Variants in APOBEC3B observed in about 807,000 individuals in gnomAD.
APOBEC3B encodes apolipoprotein B mRNA editing enzyme catalytic subunit 3B.
In APOBEC3B, 29 loss-of-function variants were observed where a neutral mutation model predicts 53.4. That is an observed-to-expected ratio of 0.54 (90% CI 0.40 to 0.74). The LOEUF (loss-of-function observed/expected upper bound fraction) is 0.74, where lower values mean the gene tolerates loss of function less well. APOBEC3B is among the 30% of genes least tolerant of loss of function. The pLI is 0.00. For synonymous variants in APOBEC3B, 132 were observed against 184.8 expected (o/e 0.71, Z 2.32); for missense variants, 347 against 496.2 (o/e 0.70, Z 2.86).
rs376795731 is a variant in APOBEC3B, at chr22:38,982,425, C to T, written c.-29C>T. ...ACAGAGCTTCAAAAAAAGAGCGGGACAGGGACAAGCGTATCTAAGAGGCTG... is the reference window on the plus strand; with the variant it reads ...ACAGAGCTTCAAAAAAAGAGCGGGATAGGGACAAGCGTATCTAAGAGGCTG... On this transcript the variant is annotated 5_prime_UTR_variant, in exon 1 of 8. Transcript: ENST00000333467. The T allele has an allele frequency of 2.4e-5, 39 of 1,593,288 alleles. 4 individuals carry two copies. Among genetic ancestry groups the T allele is most frequent in the Admixed American group, 3.5e-5 (2 of 56,448 alleles).
chr22:38,989,350 C>A lies in APOBEC3B; in HGVS notation c.570-107C>A. 6 of 1,091,840 alleles carry A rather than the reference C, an allele frequency of 5.5e-6. 1 individual carries two copies. The highest frequency in any genetic ancestry group is 7.6e-6 in the Non-Finnish European group (6 of 787,800). 67.6% of individuals were successfully genotyped at this position (1,091,840 alleles called of 1,614,324 possible). On this transcript the variant is annotated intron_variant, in intron 4 of 7. Coordinates refer to ENST00000333467, the MANE Select transcript of APOBEC3B (RefSeq NM_004900.5). ...GTGGAAGCGCCTCCTCTGACAGGTG[C>A]CTCAGTATATGGGGAGCAGGGAAGG... is the stretch of plus-strand genomic sequence containing the variant.
chr22:38,987,141 A>G lies in APOBEC3B; in HGVS notation c.569+729A>G, dbSNP rs1028571948. On this transcript the variant is annotated intron_variant, in intron 4 of 7. Coordinates refer to ENST00000333467, the MANE Select transcript of APOBEC3B (RefSeq NM_004900.5). The stretch of plus-strand genomic sequence containing the variant: ...AAACCCAGGACTAACATCAGGGCCA[A>G]GACAAGCCTGCCAGGGAGGCTGCAC... Among the ~76,000 whole-genome samples, 3 of 149,024 alleles carry G rather than the reference A, an allele frequency of 2.0e-5. 1 individual carries two copies. The highest frequency in any genetic ancestry group is 4.5e-5 in the Non-Finnish European group (3 of 67,362).
chr22:38,989,813 A>G (rs2146293230), intron 5 of APOBEC3B, among the ~76,000 whole-genome samples: 1 of 148,434 alleles, frequency 6.7e-6, no homozygotes, highest in South Asian at 2.2e-4. Context: ...AGTCTGCCCA[A>G]TGGCAAAGTG....
At position 38,986,009 on chromosome 22, in the gene APOBEC3B, C is replaced by T. The variant is rs1189645302; in HGVS notation, c.372C>T (p.Tyr124=). The change falls in exon 3 of 8, where the codon TAC becomes TAT. Residue 124 remains tyrosine, a synonymous_variant. Transcript: ENST00000333467. The part of the protein sequence containing the change: ...VTLTISAARL[Y]YYWERDYRRA... The stretch of plus-strand genomic sequence containing the variant: ...TGACCATCTCTGCCGCCCGCCTCTA[C>T]TACTACTGGGAAAGAGATTACCGAA... 2 of 1,594,212 alleles carry T rather than the reference C, an allele frequency of 1.3e-6. No homozygotes were observed. Among genetic ancestry groups the T allele is most frequent in the South Asian group, 2.3e-5 (2 of 88,838 alleles).
intron 6 of APOBEC3B, 92 bp downstream of exon 6, chr22:38,991,718 A>G (rs1461689556): frequency 7.3e-7 from 1 of 1,369,022 alleles, no homozygotes; most frequent in South Asian, 1.4e-5. Context: ...TGCTGCCTGC[A>G]GAAACGATGG....
Position 38,988,915 on chromosome 22 carries a change from G to A in APOBEC3B, c.570-542G>A, listed in dbSNP as rs1426472005. Among the ~76,000 whole-genome samples the A allele has an allele frequency of 1.4e-5, 2 of 146,226 alleles. 1 individual carries two copies. The highest frequency in any genetic ancestry group is 5.0e-5 in the African/African-American group (2 of 40,146). On this transcript the variant is annotated intron_variant, in intron 4 of 7. Coordinates refer to ENST00000333467, the MANE Select transcript of APOBEC3B (RefSeq NM_004900.5). ...CTGCCCCATCTGGCCTGAGAAGCAC[G>A]TTTGGGAGACCTCATGGCATCCAAA...
chr22:38,984,636 T>C (rs1298614257), intron 2 of APOBEC3B, among the ~76,000 whole-genome samples: 1 of 148,422 alleles, frequency 6.7e-6, no homozygotes, highest in African/African-American at 2.5e-5. Context: ...TTTTAAAATT[T>C]TCTTCAACCT....
intron 4 of APOBEC3B, among the ~76,000 whole-genome samples, chr22:38,988,753 CT>C (rs745908184): frequency 7.3e-6 from 1 of 136,182 alleles, no homozygotes; most frequent in Admixed American, 7.9e-5. Flanking sequence ...TTCTTCCTTT[CT>C]TCTCTCTCGT....
intron 2 of APOBEC3B, among the ~76,000 whole-genome samples, chr22:38,985,285 T>C (rs1419644203): frequency 6.1e-5 from 9 of 147,890 alleles, no homozygotes; most frequent in Non-Finnish European, 1.0e-4. Flanking sequence ...TGGGCTGGAG[T>C]GCAATGACTC....
chr22:38,985,763 C>T (rs748974566), intron 2 of APOBEC3B, 49 bp from the exon 3 acceptor site: 5 of 1,530,440 alleles, frequency 3.3e-6, no homozygotes, highest in Non-Finnish European at 4.4e-6. Flanking sequence ...CCCTGCACTC[C>T]TCCTGCTCCC....
intron 4 of APOBEC3B, among the ~76,000 whole-genome samples, chr22:38,988,698 T>TC (rs1923852294): frequency 7.8e-5 from 9 of 115,198 alleles, no homozygotes; most frequent in African/African-American, 3.4e-4. Context: ...TCTTTCTTTC[T>TC]TTCTTTCTTT....
chr22:38,982,647 C>T lies in APOBEC3B; in HGVS notation c.17+177C>T, dbSNP rs6001353. On this transcript the variant is annotated intron_variant, in intron 1 of 7. Coordinates refer to ENST00000333467, the MANE Select transcript of APOBEC3B (RefSeq NM_004900.5). The stretch of plus-strand genomic sequence containing the variant: ...TTTGTCCTGCTGTGTGGTCACCCCA[C>T]TGCTGCTTCTGAATGGGCTGCCTCC... Among the ~76,000 whole-genome samples, 476 of 146,840 alleles carry T rather than the reference C, an allele frequency of 3.2e-3. 23 individuals are homozygous for T. The highest frequency in any genetic ancestry group is 0.011 in the African/African-American group (461 of 40,474).
chr22:38,984,290 A>T, intron 2 of APOBEC3B, 59 bp downstream of exon 2: 1 of 1,544,848 alleles, frequency 6.5e-7, no homozygotes, highest in Non-Finnish European at 8.7e-7. Flanking sequence ...AGGACTGGAG[A>T]GACTGATATG....
At chr22:38,982,545 G>C (rs552480033) in intron 1 of APOBEC3B, 75 bp downstream of exon 1, 2 of 1,547,886 alleles carry the variant, frequency 1.3e-6, no homozygotes, top group African/African-American at 1.4e-5. Context: ...CCTCAACCCT[G>C]GCCTCCCCCC....
intron 2 of APOBEC3B, among the ~76,000 whole-genome samples, 180 bp downstream of exon 2, chr22:38,984,411 C>G (rs1923652889): frequency 6.7e-6 from 1 of 148,626 alleles, no homozygotes; most frequent in Non-Finnish European, 1.5e-5. Flanking sequence ...CTTACAGAAG[C>G]AGAACAAAGG....
intron 1 of APOBEC3B, among the ~76,000 whole-genome samples, chr22:38,982,798 G>A (rs1232762038): frequency 6.7e-6 from 1 of 148,956 alleles, no homozygotes; most frequent in African/African-American, 2.4e-5. Context: ...TCAGAAACTG[G>A]GAGAATTGAA....
chr22:38,989,715 A>G (rs1603268678), intron 5 of APOBEC3B, 105 bp downstream of exon 5: 9 of 1,168,622 alleles, frequency 7.7e-6, no homozygotes, highest in Middle Eastern at 3.2e-4. Context: ...AGTGTTTGTC[A>G]CTTGTGCTTC....
chr22:38,984,760 C>T (rs2146288160), intron 2 of APOBEC3B, among the ~76,000 whole-genome samples: 1 of 148,220 alleles, frequency 6.7e-6, no homozygotes, highest in South Asian at 2.2e-4. Context: ...AAAACTTGTT[C>T]TTCTTTTCTT....
At position 38,992,499 on chromosome 22, in the gene APOBEC3B, A is replaced by G. The variant is rs1386529230; in HGVS notation, c.*54A>G. The G allele has an allele frequency of 6.5e-7, 1 of 1,534,330 alleles. No homozygotes were observed. The highest frequency in any genetic ancestry group is 2.1e-5 in the Admixed American group (1 of 46,968). ...AGAGACCTGGGTTGAGCAGCAGAAT[A>G]AAAGATCTTCTTCCAAGAAATGCAA... On this transcript the variant is annotated 3_prime_UTR_variant, in exon 8 of 8. Transcript: ENST00000333467.
Sources: allele counts gnomAD v4.1 joint callset (sites outside exome capture counted in the v4.1 genomes callset), GRCh38; gene constraint gnomAD v4.1.1; transcripts MANE v1.5; gene names NCBI Gene and HGNC (gene_info 2026-07-23, HGNC 2026-07-21).